The following DCLRE1B variants were observed in gnomAD, a reference collection of about 807,000 sequenced individuals.
The protein encoded by DCLRE1B is DNA cross-link repair 1B, also known as 5' exonuclease Apollo.
In DCLRE1B, 6 loss-of-function variants were observed where a neutral mutation model predicts 19.8. The ratio of observed to expected loss-of-function variants is 0.30; its 90% CI spans 0.17 to 0.60. DCLRE1B has a LOEUF of 0.60. Among genes scored for constraint, DCLRE1B ranks in the 20% least tolerant of loss-of-function variants. DCLRE1B has a pLI of 0.87. For synonymous variants in DCLRE1B, 258 were observed against 255.7 expected, an observed-to-expected ratio of 1.01 and a Z score of -0.09; for missense variants, 622 against 654.2, an observed-to-expected ratio of 0.95 and a Z score of 0.54.
At position 113,912,408 on chromosome 1, in the gene DCLRE1B, T is replaced by C. The variant is rs1366179539; in HGVS notation, c.*217T>C. On this transcript the variant is annotated 3_prime_UTR_variant, in exon 4 of 4. Transcript: ENST00000650450. ...TTTATAACTAAGTTTAAGAAATACT[T>C]TTTTTATAAAATCTTTGGAGTATGC... 1 of 476,902 alleles carries C rather than the reference T, an allele frequency of 2.1e-6. No individual in the cohort carries two copies. Among genetic ancestry groups the C allele is most frequent in the Non-Finnish European group, 3.7e-6 (1 of 273,878 alleles). 29.5% of individuals were successfully genotyped at this position (476,902 alleles called of 1,614,324 possible).
rs761321321 is a variant in DCLRE1B, at chr1:113,907,059, A to G, written c.253A>G (p.Ile85Val). ...GAGCCATGTATTACCCCTAGATGAAATTGGACAAGAGACCATGACCGTAAC... is the reference window on the plus strand; with the variant it reads ...GAGCCATGTATTACCCCTAGATGAAGTTGGACAAGAGACCATGACCGTAAC... ...GESHVLPLDE[I>V]GQETMTVTLL... Residue 85 changes from isoleucine to valine, a missense_variant, in exon 2 of 4, where the codon ATT (isoleucine) becomes GTT (valine). Ile to Val is a conservative substitution (Grantham distance 29, BLOSUM62 3). Transcript: ENST00000650450. 9 of 1,613,860 alleles carry G rather than the reference A, an allele frequency of 5.6e-6. No homozygotes were observed. Among genetic ancestry groups the G allele is most frequent in the African/African-American group, 2.7e-5 (2 of 74,786 alleles).
chr1:113,908,116 C>T lies in DCLRE1B; in HGVS notation c.463C>T (p.Leu155Phe), dbSNP rs1179354371. Residue 155 changes from leucine to phenylalanine, a missense_variant, in exon 3 of 4, where the codon CTT (leucine) becomes TTT (phenylalanine). Coordinates refer to ENST00000650450, the MANE Select transcript of DCLRE1B (RefSeq NM_022836.4). Reference protein sequence around the residue: ...DNTNCNPALVLPSRQEAAHQI... With the variant: ...DNTNCNPALVFPSRQEAAHQI... ...CACCAATTGCAATCCAGCCCTGGTT[C>T]TTCCTTCCCGACAAGAAGCTGCCCA... 3.1e-6 allele frequency: 5 copies of T among 1,614,216 alleles called. No individual in the cohort carries two copies. The highest frequency in any genetic ancestry group is 4.2e-6 in the Non-Finnish European group (5 of 1,180,022).
Position 113,905,776 on chromosome 1 carries a change from G to A in DCLRE1B, c.189+1G>A. 1 of 1,610,918 alleles carries A rather than the reference G, an allele frequency of 6.2e-7. No homozygotes were observed. ...CCACCTCTTGCATCGTCACCTACAG[G>A]TATGGGGCTGGAGTCGGTCTCCGAG... On this transcript the variant is annotated splice_donor_variant, in intron 1 of 3. Transcript: ENST00000650450. LOFTEE classifies it high-confidence loss of function.
At chr1:113,906,645 C>T (rs919363630) in intron 1 of DCLRE1B, among the ~76,000 whole-genome samples, 1 of 152,118 alleles carries the variant, frequency 6.6e-6, no homozygotes, top group Non-Finnish European at 1.5e-5. Context: ...CGCCCGCCAC[C>T]ACGCCTGGCT....
intron 3 of DCLRE1B, among the ~76,000 whole-genome samples, chr1:113,909,568 A>G (rs1669175560): frequency 6.6e-6 from 1 of 152,252 alleles, no homozygotes; most frequent in South Asian, 2.1e-4. Flanking sequence ...TGACTACCAA[A>G]TCGATTGAGA....
At chr1:113,910,982 C>T in intron 3 of DCLRE1B, 149 bp from the exon 4 acceptor site, 1 of 734,088 alleles carries the variant, frequency 1.4e-6, no homozygotes. Flanking sequence ...TGTCTTAGCT[C>T]AAATGCCACC....
intron 1 of DCLRE1B, among the ~76,000 whole-genome samples, chr1:113,906,486 T>G (rs1221625692): frequency 1.4e-5 from 2 of 147,208 alleles, no homozygotes; most frequent in Admixed American, 7.2e-5. Flanking sequence ...CTAGACTGTT[T>G]GCTGAACTCT....
At chr1:113,907,948 A>G in intron 2 of DCLRE1B, 61 bp from the exon 3 acceptor site, 2 of 1,540,762 alleles carry the variant, frequency 1.3e-6, no homozygotes, top group Non-Finnish European at 1.8e-6. Context: ...TGGAGGTAGG[A>G]GAGGCTTGTC....
chr1:113,907,212 T>A (rs748963258), intron 2 of DCLRE1B, 51 bp downstream of exon 2: 10,331 of 1,001,596 alleles, frequency 0.01, 151 homozygotes, highest in East Asian at 0.039. Context: ...ATGTTTTTTT[T>A]TTTTTTTTTT....
upstream of DCLRE1B, chr1:113,905,067 C>T (rs1668820227): frequency 2.6e-6 from 1 of 384,436 alleles, no homozygotes; most frequent in Non-Finnish European, 5.0e-6. Context: ...AGCCTTAATT[C>T]CCCCTCCACG....
chr1:113,907,204 G>GTTATTTTTTTTTTT, intron 2 of DCLRE1B, 43 bp downstream of exon 2: 1 of 465,990 alleles, frequency 2.1e-6, no homozygotes, highest in Non-Finnish European at 2.9e-6. Context: ...CAGACTAGAT[G>GTTATTTTTTTTTTT]TTTTTTTTTT....
chr1:113,909,378 A>T (rs913970490), intron 3 of DCLRE1B, among the ~76,000 whole-genome samples: 1 of 152,218 alleles, frequency 6.6e-6, no homozygotes, highest in African/African-American at 2.4e-5. Context: ...TTATAAAATA[A>T]ATAAATGTAA....
At chr1:113,907,197 ACT>A in intron 2 of DCLRE1B, 36 bp downstream of exon 2, 5 of 552,422 alleles carry the variant, frequency 9.1e-6, no homozygotes, top group South Asian at 2.8e-5. Context: ...ACTTCTCCAG[ACT>A]AGATGTTTTT....
At position 113,912,275 on chromosome 1, in the gene DCLRE1B, T is replaced by G; in HGVS notation, c.*84T>G. On this transcript the variant is annotated 3_prime_UTR_variant, in exon 4 of 4. Coordinates refer to ENST00000650450, the MANE Select transcript of DCLRE1B (RefSeq NM_022836.4). ...CTGATGGCTGGTGGGAAAGAGTTTG[T>G]TTTTGGGGCCTACTTTTCTATCTTT... 1 of 1,380,262 alleles carries G rather than the reference T, an allele frequency of 7.2e-7. No homozygotes were observed. The highest frequency in any genetic ancestry group is 1.4e-5 in the South Asian group (1 of 70,834). The allele number at this position is 1,380,262 out of a possible 1,614,324, so 85.5% of individuals were successfully genotyped here.
Position 113,912,147 on chromosome 1 carries a change from A to G in DCLRE1B, c.1555A>G (p.Arg519Gly). The change falls in exon 4 of 4, where the codon AGG (arginine) becomes GGG (glycine). Residue 519 changes from arginine (R) to glycine (G), a missense_variant. By Grantham distance (125) the Arg-to-Gly change is moderately radical. Around this residue, in one of 3 missense-constraint regions of DCLRE1B, gnomAD observed 382 missense variants for 412.5 expected, o/e 0.93. Coordinates refer to ENST00000650450, the MANE Select transcript of DCLRE1B (RefSeq NM_022836.4). ...VNFFQAGYSS[R>G]RFDQQVEKYH... The stretch of plus-strand genomic sequence containing the variant: ...CTTTTTCCAGGCAGGGTATTCTTCC[A>G]GGAGATTTGACCAGCAAGTGGAAAA... The G allele has an allele frequency of 6.2e-7, 1 of 1,614,130 alleles. No individual in the cohort carries two copies. The highest frequency in any genetic ancestry group is 8.5e-7 in the Non-Finnish European group (1 of 1,180,000).
chr1:113,904,747 A>G (rs765183919), upstream of DCLRE1B: 27 of 1,588,402 alleles, frequency 1.7e-5, no homozygotes, highest in Non-Finnish European at 2.2e-5. Context: ...CAGCTCCCAC[A>G]GCTCCCACGG....
chr1:113,904,682 C>G (rs1668748529), upstream of DCLRE1B: 1 of 1,612,814 alleles, frequency 6.2e-7, no homozygotes, highest in Non-Finnish European at 8.5e-7. Flanking sequence ...CCTTCTTCAG[C>G]TCCTTCACCA....
At chr1:113,907,216 T>TTTTTTTTG (rs1669063715) in intron 2 of DCLRE1B, 55 bp downstream of exon 2, 3 of 1,174,280 alleles carry the variant, frequency 2.6e-6, no homozygotes, top group African/African-American at 1.9e-5. Flanking sequence ...TTTTTTTTTT[T>TTTTTTTTG]TTTTTTTTTT....
intron 3 of DCLRE1B, 64 bp from the exon 4 acceptor site, chr1:113,911,067 G>T: frequency 1.4e-6 from 2 of 1,441,286 alleles, no homozygotes; most frequent in Admixed American, 2.2e-5. Context: ...GATTTATTAG[G>T]ATTTTCCAAT....
Sources: allele counts gnomAD v4.1 joint callset (sites outside exome capture counted in the v4.1 genomes callset), GRCh38; gene constraint gnomAD v4.1.1; regional missense constraint gnomAD v4.1.1; transcripts MANE v1.5; gene names NCBI Gene and HGNC (gene_info 2026-07-23, HGNC 2026-07-21).